The following EIF2B3 variants were observed in gnomAD, a reference collection of about 807,000 sequenced individuals.
EIF2B3 encodes the protein eukaryotic translation initiation factor 2B subunit gamma, also known as translation initiation factor eIF2B subunit gamma.
In EIF2B3, 20 loss-of-function variants were observed where a neutral mutation model predicts 54.1. The ratio of observed to expected loss-of-function variants is 0.37; its 90% CI spans 0.26 to 0.54. EIF2B3 has a LOEUF of 0.54. Ranked by LOEUF, EIF2B3 falls within the 20% of genes least tolerant of loss-of-function variation. The pLI is 0.86. For missense variants in EIF2B3, 448 were observed against 547.8 expected, an observed-to-expected ratio of 0.82 and a Z score of 1.82; for synonymous variants, 153 against 188.1, an observed-to-expected ratio of 0.81 and a Z score of 1.52.
chr1:44,979,691 T>C (rs986621394), intron 2 of EIF2B3, among the ~76,000 whole-genome samples: 1 of 151,286 alleles, frequency 6.6e-6, no homozygotes, highest in Admixed American at 6.6e-5. Flanking sequence ...GGGCCATGCG[T>C]AGTGGCTCAC....
chr1:44,977,298 A>G lies in EIF2B3; in HGVS notation c.294+1017T>C, dbSNP rs531449706. On this transcript the variant is annotated intron_variant, in intron 3 of 11. Transcript: ENST00000360403. ...TTAGTTTCTTAACCAAAGGTTAACT[A>G]AAAGTTCAAATATTACATGGGAGGT... 3.9e-5 allele frequency among the ~76,000 whole-genome samples: 6 copies of G among 152,316 alleles called. No individual in the cohort carries two copies. The South Asian group carries it at 1.2e-3, about 32-fold the overall frequency.
rs148462003 is a variant in EIF2B3, at chr1:44,878,483, G to A, written c.975+1335C>T. 4.1e-3 allele frequency among the ~76,000 whole-genome samples: 630 copies of A among 152,062 alleles called. 3 individuals are homozygous for A. Among genetic ancestry groups the A allele is most frequent in the African/African-American group, 0.014 (586 of 41,462 alleles). ...TCACCATGTTGGCCAGCCTGGTCTC[G>A]AACTCCTGACCTCAGGCGATCCACC... On this transcript the variant is annotated intron_variant, in intron 8 of 11. Transcript: ENST00000360403.
intron 6 of EIF2B3, among the ~76,000 whole-genome samples, chr1:44,890,405 CTAAT>C (rs1302622073): frequency 6.6e-6 from 1 of 151,510 alleles, no homozygotes; most frequent in African/African-American, 2.4e-5. Context: ...TGTAAAAGCT[CTAAT>C]TAATTGGCAT....
At chr1:44,860,836 A>T (rs1295570259) in intron 10 of EIF2B3, among the ~76,000 whole-genome samples, 7 of 152,178 alleles carry the variant, frequency 4.6e-5, no homozygotes, top group Non-Finnish European at 1.0e-4. Flanking sequence ...TTAACAAAAC[A>T]AAACTAAGGA....
rs1654948532 is a variant in EIF2B3, at chr1:44,871,016, C to T, written c.1202+3662G>A. Among the ~76,000 whole-genome samples the T allele has an allele frequency of 2.0e-5, 3 of 152,174 alleles. No homozygotes were observed. In the South Asian group the frequency reaches 6.2e-4, roughly 31 times the overall value. Reference sequence around the variant, plus strand: ...CAAGCACAGCTTCTTTCCTAAGCTCCAGCCCTGTAGATCAAGGCCTCCTGT... The same window carrying T: ...CAAGCACAGCTTCTTTCCTAAGCTCTAGCCCTGTAGATCAAGGCCTCCTGT... On this transcript the variant is annotated intron_variant, in intron 10 of 11. Coordinates refer to ENST00000360403, the MANE Select transcript of EIF2B3 (RefSeq NM_020365.5).
chr1:44,958,709 A>G (rs471564), intron 3 of EIF2B3: 284,561 of 1,591,610 alleles, frequency 0.18, 25,900 homozygotes, highest in African/African-American at 0.23. Flanking sequence ...GTGCTGCCTG[A>G]AACAGTACCC....
intron 4 of EIF2B3, among the ~76,000 whole-genome samples, chr1:44,929,290 A>G (rs181225498): frequency 6.6e-6 from 1 of 152,210 alleles, no homozygotes; most frequent in East Asian, 1.9e-4. Flanking sequence ...CTGCTAAATA[A>G]CAGAATATGT....
intron 3 of EIF2B3, among the ~76,000 whole-genome samples, chr1:44,956,763 AAAAAGG>A (rs1194999531): frequency 6.6e-6 from 1 of 152,146 alleles, no homozygotes; most frequent in Non-Finnish European, 1.5e-5. Context: ...AAGCATTTGG[AAAAAGG>A]ATAAAATTAG....
intron 4 of EIF2B3, among the ~76,000 whole-genome samples, chr1:44,936,071 C>G (rs1188154126): frequency 6.6e-6 from 1 of 151,560 alleles, no homozygotes. Flanking sequence ...AATGGCGAGA[C>G]AATGGCTGAA....
intron 3 of EIF2B3, among the ~76,000 whole-genome samples, chr1:44,942,233 A>G (rs1356739342): frequency 6.6e-6 from 1 of 150,708 alleles, no homozygotes; most frequent in African/African-American, 2.4e-5. Flanking sequence ...TATTATTAAT[A>G]TTACTGGCCT....
chr1:44,907,587 GGA>G (rs1367951182), intron 5 of EIF2B3, among the ~76,000 whole-genome samples: 2 of 150,944 alleles, frequency 1.3e-5, no homozygotes, highest in African/African-American at 4.9e-5. Flanking sequence ...TTGGTAGTTG[GGA>G]CTACAGTAGA....
intron 6 of EIF2B3, among the ~76,000 whole-genome samples, chr1:44,888,473 A>ATCTCTCTCTCTCTCTCTCTCTC (rs3044260): frequency 2.3e-4 from 33 of 144,418 alleles, no homozygotes; most frequent in African/African-American, 8.3e-4. Context: ...TGGCTTCTCA[A>ATCTCTCTCTCTCTCTCTCTCTC]TCTCTCTCTC....
At chr1:44,860,856 A>G (rs980310037) in intron 10 of EIF2B3, among the ~76,000 whole-genome samples, 3 of 152,178 alleles carry the variant, frequency 2.0e-5, no homozygotes, top group African/African-American at 7.2e-5. Flanking sequence ...AAAAATTCCC[A>G]ACCCAAGAGG....
intron 5 of EIF2B3, among the ~76,000 whole-genome samples, chr1:44,903,727 T>C (rs1311316244): frequency 1.3e-5 from 2 of 152,228 alleles, no homozygotes; most frequent in East Asian, 1.9e-4. Context: ...CTGGTATGCA[T>C]GTTGATATAG....
chr1:44,868,956 C>T (rs1287533506), intron 10 of EIF2B3, among the ~76,000 whole-genome samples: 4 of 152,180 alleles, frequency 2.6e-5, no homozygotes, highest in Non-Finnish European at 5.9e-5. Context: ...CTCACACTAG[C>T]ATTCCAGACT....
chr1:44,958,858 A>G (rs2148952896), intron 3 of EIF2B3: 2 of 896,494 alleles, frequency 2.2e-6, no homozygotes, highest in Non-Finnish European at 3.8e-6. Context: ...TATCAGGTAC[A>G]TCAGGAACAT....
intron 1 of EIF2B3, among the ~76,000 whole-genome samples, chr1:44,984,313 T>A (rs936533212): frequency 1.3e-5 from 2 of 152,038 alleles, no homozygotes; most frequent in African/African-American, 2.4e-5. Flanking sequence ...GGCAACATGG[T>A]GAGACCCCAT....
At chr1:44,956,880 G>T (rs1015001482) in intron 3 of EIF2B3, among the ~76,000 whole-genome samples, 1 of 152,086 alleles carries the variant, frequency 6.6e-6, no homozygotes, top group African/African-American at 2.4e-5. Context: ...ACAAAAGTAG[G>T]TTTCTCTATA....
In EIF2B3 at chr1:44,857,846, C is replaced by T. The variant is rs369355291; in HGVS notation, c.1203-39G>A. 1.4e-4 allele frequency: 220 copies of T among 1,586,958 alleles called. No individual in the cohort carries two copies. Among genetic ancestry groups the T allele is most frequent in the Non-Finnish European group, 1.8e-4 (203 of 1,155,830 alleles). On this transcript the variant is annotated intron_variant, in intron 10 of 11. Coordinates refer to ENST00000360403, the MANE Select transcript of EIF2B3 (RefSeq NM_020365.5). ...GCCAAGTTAGGGAGGACCCAAGGCT[C>T]GCATCACCATCCTCATTACTATTGG...
Sources: allele counts gnomAD v4.1 joint callset (sites outside exome capture counted in the v4.1 genomes callset), GRCh38; gene constraint gnomAD v4.1.1; transcripts MANE v1.5; gene names NCBI Gene and HGNC (gene_info 2026-07-23, HGNC 2026-07-21).